UMAD1: variants seen among roughly 807,000 people sequenced by gnomAD.
UMAD1 encodes UBAP1-MVB12-associated (UMA) domain containing 1.
UMAD1 carries 8 observed loss-of-function variants against 6.1 expected under a neutral mutation model. The ratio of observed to expected loss-of-function variants is 1.30; its 90% confidence interval spans 0.76 to 2.35. The LOEUF is 2.35. Among genes scored for constraint, UMAD1 ranks in the 30% most tolerant of loss-of-function variants. The pLI, the probability that UMAD1 is intolerant of heterozygous loss-of-function variation, is 0.00. For synonymous variants in UMAD1, 56 were observed against 31.4 expected, an observed-to-expected ratio of 1.78 and a Z score of -2.61; for missense variants, 130 against 78.4, an observed-to-expected ratio of 1.66 and a Z score of -2.49.
At chr7:7,802,900 C>T (rs1026353140) in intron 3 of UMAD1, among the ~76,000 whole-genome samples, 4 of 151,890 alleles carry the variant, frequency 2.6e-5, no homozygotes, top group African/African-American at 7.3e-5. Context: ...TATTTTTCAC[C>T]GTGAACAAAT....
At chr7:7,802,251 G>T (rs1165500032) in intron 3 of UMAD1, among the ~76,000 whole-genome samples, 1 of 152,192 alleles carries the variant, frequency 6.6e-6, no homozygotes, top group Admixed American at 6.5e-5. Flanking sequence ...GGTGGCATGT[G>T]CCTGTCATCC....
chr7:7,869,996 A>G (rs1784305856), intron 3 of UMAD1, among the ~76,000 whole-genome samples: 1 of 152,156 alleles, frequency 6.6e-6, no homozygotes. Context: ...AACCTCATGA[A>G]TTTTTACACC....
chr7:7,877,546 G>A lies in UMAD1; in HGVS notation c.*8G>A, dbSNP rs1369219301. Reference sequence around the variant, plus strand: ...GTGCTCTGTGATTCATAACCTTTATGTCTGTTTGCACCTTAACAGCTTTAA... The same window carrying A: ...GTGCTCTGTGATTCATAACCTTTATATCTGTTTGCACCTTAACAGCTTTAA... On this transcript the variant is annotated 3_prime_UTR_variant, in exon 4 of 4. Coordinates refer to ENST00000682710, the MANE Select transcript of UMAD1 (RefSeq NM_001302348.2). The A allele has an allele frequency of 5.6e-6, 4 of 716,520 alleles. No homozygotes were observed. The highest frequency in any genetic ancestry group is 1.0e-5 in the Non-Finnish European group (4 of 384,886). 44.4% of individuals were successfully genotyped at this position (716,520 alleles called of 1,614,324 possible). A position where few individuals can be genotyped will look rare whatever the true frequency, so the allele number is the denominator to read the frequency against.
At chr7:7,842,602 T>G (rs1783703087) in intron 3 of UMAD1, among the ~76,000 whole-genome samples, 1 of 151,270 alleles carries the variant, frequency 6.6e-6, no homozygotes, top group African/African-American at 2.4e-5. Flanking sequence ...CAAGGCAAAT[T>G]AAGTTACCTT....
intron 3 of UMAD1, among the ~76,000 whole-genome samples, chr7:7,839,112 T>C (rs1021326223): frequency 2.0e-5 from 3 of 152,230 alleles, no homozygotes; most frequent in Non-Finnish European, 4.4e-5. Context: ...TTATTCTTTA[T>C]GCCTTACACA....
chr7:7,643,657 A>C (rs1446168228), intron 1 of UMAD1, among the ~76,000 whole-genome samples: 2 of 151,240 alleles, frequency 1.3e-5, no homozygotes, highest in Non-Finnish European at 2.9e-5. Context: ...GCTTGCAGTG[A>C]GCCGAGATCG....
At chr7:7,646,480 ATTTTTTT>A (rs35948027) in intron 1 of UMAD1, among the ~76,000 whole-genome samples, 1,453 of 111,350 alleles carry the variant, frequency 0.013, 23 homozygotes, top group African/African-American at 0.048. Flanking sequence ...CTTTCGCTGG[ATTTTTTT>A]TTTTTTTTTT....
chr7:7,799,327 C>T (rs936287447), intron 2 of UMAD1, among the ~76,000 whole-genome samples: 6 of 152,200 alleles, frequency 3.9e-5, no homozygotes, highest in African/African-American at 9.6e-5. Flanking sequence ...TCTGAGTCAT[C>T]GCCAGACATG....
chr7:7,759,792 G>A (rs1479692487), intron 2 of UMAD1, among the ~76,000 whole-genome samples: 1 of 152,096 alleles, frequency 6.6e-6, no homozygotes, highest in East Asian at 1.9e-4. Context: ...AGATATACGA[G>A]GGGAAAAAGT....
intron 2 of UMAD1, chr7:7,736,439 G>C (rs1474644647): frequency 6.5e-6 from 1 of 152,766 alleles, no homozygotes; most frequent in African/African-American, 2.4e-5. Flanking sequence ...TTCTACTTCT[G>C]TGCATAGGAG....
intron 2 of UMAD1, among the ~76,000 whole-genome samples, chr7:7,749,934 C>G (rs1781647340): frequency 6.6e-6 from 1 of 152,088 alleles, no homozygotes. Flanking sequence ...ATCTCTTTCA[C>G]CAATGTTATT....
chr7:7,869,106 T>C (rs1323764532), intron 3 of UMAD1, among the ~76,000 whole-genome samples: 1 of 152,228 alleles, frequency 6.6e-6, no homozygotes, highest in Non-Finnish European at 1.5e-5. Flanking sequence ...AGACATTTAT[T>C]AGTGACCAGC....
At chr7:7,761,363 T>TAAAAAAAAAAAAAAAAAAAAAA (rs375910269) in intron 2 of UMAD1, among the ~76,000 whole-genome samples, 4 of 121,124 alleles carry the variant, frequency 3.3e-5, no homozygotes, top group African/African-American at 7.0e-5. Flanking sequence ...GAGACCTAAC[T>TAAAAAAAAAAAAAAAAAAAAAA]AAAAAAAAAA....
chr7:7,842,841 G>A (rs942528490), intron 3 of UMAD1, among the ~76,000 whole-genome samples: 3 of 152,100 alleles, frequency 2.0e-5, no homozygotes, highest in African/African-American at 7.2e-5. Flanking sequence ...GGTACTCAGG[G>A]AGGAAGACAG....
At chr7:7,745,170 G>A (rs73352777) in intron 2 of UMAD1, among the ~76,000 whole-genome samples, 1 of 152,162 alleles carries the variant, frequency 6.6e-6, no homozygotes, top group Non-Finnish European at 1.5e-5. Context: ...TCATCATAAA[G>A]GTCTTCATTC....
At chr7:7,848,901 A>G (rs1293079079) in intron 3 of UMAD1, among the ~76,000 whole-genome samples, 1 of 152,188 alleles carries the variant, frequency 6.6e-6, no homozygotes, top group African/African-American at 2.4e-5. Context: ...GGATAACAAT[A>G]CAATTTCTCT....
chr7:7,799,539 T>C (rs962142218), intron 2 of UMAD1, among the ~76,000 whole-genome samples: 2 of 152,224 alleles, frequency 1.3e-5, no homozygotes, highest in African/African-American at 2.4e-5. Context: ...GTGTGATGGA[T>C]GGAATAGTAA....
intron 2 of UMAD1, among the ~76,000 whole-genome samples, chr7:7,712,277 T>G (rs1780784108): frequency 6.6e-6 from 1 of 152,188 alleles, no homozygotes; most frequent in Non-Finnish European, 1.5e-5. Context: ...TGTTGAAATT[T>G]TATTGAACAT....
rs544094011 is a variant in UMAD1 at position 7,807,455 on chromosome 7, T to C, written c.156+5712T>C. Among the ~76,000 whole-genome samples the C allele has an allele frequency of 4.7e-4, 72 of 152,150 alleles. 1 individual carries two copies. Among genetic ancestry groups the C allele is most frequent in the Non-Finnish European group, 4.3e-4 (29 of 67,984 alleles). ...AATGAAATGAATGTAGCGTGGCCTA[T>C]GCTACATTGTAATTTTAATGACAGT... On this transcript the variant is annotated intron_variant, in intron 3 of 3. Coordinates refer to ENST00000682710, the MANE Select transcript of UMAD1 (RefSeq NM_001302348.2).
Sources: gnomAD v4.1 joint callset for allele counts (sites outside exome capture counted in the v4.1 genomes callset) on GRCh38, gnomAD v4.1.1 for gene constraint, MANE v1.5 for transcripts, NCBI Gene and HGNC (gene_info 2026-07-23, HGNC 2026-07-21) for gene names.